Variants in SLC4A10 observed in about 807,000 individuals in gnomAD.
SLC4A10 encodes the protein solute carrier family 4 member 10.
SLC4A10 carries 42 observed loss-of-function variants against 137.7 expected under a neutral mutation model. The observed-to-expected ratio is 0.30, with a 90% CI of 0.24 to 0.39. The LOEUF (loss-of-function observed/expected upper bound fraction) is 0.39. SLC4A10 is among the 10% of genes least tolerant of loss of function. The pLI is 1.00. For missense variants in SLC4A10, 925 were observed against 1,355.0 expected (o/e 0.68, Z 4.98); for synonymous variants, 474 against 464.1 (o/e 1.02, Z -0.27).
intron 4 of SLC4A10, among the ~76,000 whole-genome samples, chr2:161,851,430 C>A (rs748491192): frequency 4.1e-4 from 62 of 152,202 alleles, no homozygotes; most frequent in Non-Finnish European, 5.9e-4. Flanking sequence ...ATAGTTAAGT[C>A]TTCTTGTTTA....
intron 1 of SLC4A10, among the ~76,000 whole-genome samples, chr2:161,708,437 A>G (rs1257058344): frequency 6.6e-6 from 1 of 151,598 alleles, no homozygotes; most frequent in African/African-American, 2.4e-5. Context: ...TTGGCAAATG[A>G]AGTCTTCATA....
intron 1 of SLC4A10, among the ~76,000 whole-genome samples, chr2:161,704,140 C>CT (rs775950522): frequency 2.3e-5 from 3 of 129,964 alleles, no homozygotes; most frequent in Non-Finnish European, 5.4e-5. Context: ...AAGATCATAT[C>CT]TAACTAACAA....
chr2:161,920,955 G>A (rs1406878284), intron 15 of SLC4A10, among the ~76,000 whole-genome samples: 3 of 152,170 alleles, frequency 2.0e-5, no homozygotes, highest in Non-Finnish European at 4.4e-5. Flanking sequence ...ACAGTGTCTG[G>A]AGATGTCCTT....
intron 1 of SLC4A10, among the ~76,000 whole-genome samples, chr2:161,666,871 G>C (rs1175795358): frequency 6.6e-6 from 1 of 151,612 alleles, no homozygotes; most frequent in Non-Finnish European, 1.5e-5. Flanking sequence ...CCATTTAATA[G>C]TAACACTTAC....
chr2:161,740,009 T>G (rs557501505), intron 1 of SLC4A10, among the ~76,000 whole-genome samples: 1 of 152,294 alleles, frequency 6.6e-6, no homozygotes, highest in South Asian at 2.1e-4. Flanking sequence ...CCTGAGTGTA[T>G]GACCAGGCCA....
intron 3 of SLC4A10, among the ~76,000 whole-genome samples, chr2:161,827,207 T>C (rs1395595387): frequency 6.6e-6 from 1 of 152,216 alleles, no homozygotes; most frequent in Non-Finnish European, 1.5e-5. Context: ...TCTCAAGACT[T>C]TCATTTTGAG....
At chr2:161,672,007 G>A (rs569908224) in intron 1 of SLC4A10, among the ~76,000 whole-genome samples, 22 of 152,244 alleles carry the variant, frequency 1.4e-4, no homozygotes, top group Admixed American at 1.4e-3. Context: ...TGCACTTAAG[G>A]TGAGCTTTGA....
At chr2:161,813,813 C>T (rs952157814) in intron 3 of SLC4A10, among the ~76,000 whole-genome samples, 11 of 152,110 alleles carry the variant, frequency 7.2e-5, no homozygotes, top group Non-Finnish European at 1.5e-4. Flanking sequence ...AGGCATTATG[C>T]CAGTTTTTCT....
At chr2:161,703,483 T>C (rs2043338193) in intron 1 of SLC4A10, among the ~76,000 whole-genome samples, 1 of 151,758 alleles carries the variant, frequency 6.6e-6, no homozygotes, top group South Asian at 2.1e-4. Flanking sequence ...GTTATCTCTG[T>C]ATAATGAAAT....
intron 3 of SLC4A10, among the ~76,000 whole-genome samples, chr2:161,816,881 G>C (rs1271217715): frequency 6.6e-6 from 1 of 152,044 alleles, no homozygotes; most frequent in Non-Finnish European, 1.5e-5. Flanking sequence ...GTCTATCATT[G>C]TTGGACATTT....
chr2:161,952,460 A>T (rs912814822), intron 19 of SLC4A10, among the ~76,000 whole-genome samples: 1 of 152,222 alleles, frequency 6.6e-6, no homozygotes, highest in Non-Finnish European at 1.5e-5. Flanking sequence ...ATAGAATTAA[A>T]TGCAGAACTA....
chr2:161,722,372 TC>T (rs1277244967), intron 1 of SLC4A10, among the ~76,000 whole-genome samples: 1 of 152,226 alleles, frequency 6.6e-6, no homozygotes, highest in Non-Finnish European at 1.5e-5. Flanking sequence ...TTTGTGGGGT[TC>T]TTTTCTGTTG....
At chr2:161,889,298 A>G (rs1412642096) in intron 10 of SLC4A10, among the ~76,000 whole-genome samples, 1 of 152,166 alleles carries the variant, frequency 6.6e-6, no homozygotes, top group Non-Finnish European at 1.5e-5. Context: ...TGGCCTCATG[A>G]AATGAGTTAG....
intron 23 of SLC4A10, among the ~76,000 whole-genome samples, chr2:161,966,679 T>C (rs1575898497): frequency 6.7e-6 from 1 of 150,360 alleles, no homozygotes. Context: ...AACCGGGAGG[T>C]GGACGTTGCA....
chr2:161,704,773 C>A (rs751912845), intron 1 of SLC4A10, among the ~76,000 whole-genome samples: 1 of 151,618 alleles, frequency 6.6e-6, no homozygotes, highest in African/African-American at 2.4e-5. Flanking sequence ...TGGCATTACA[C>A]TTTTGGTGTT....
At chr2:161,726,846 C>A (rs2046288008) in intron 1 of SLC4A10, among the ~76,000 whole-genome samples, 1 of 152,160 alleles carries the variant, frequency 6.6e-6, no homozygotes, top group African/African-American at 2.4e-5. Context: ...GAGGTGGGGG[C>A]TGCAGTGGGC....
intron 1 of SLC4A10, among the ~76,000 whole-genome samples, chr2:161,660,780 A>T (rs2038274478): frequency 6.7e-6 from 1 of 150,254 alleles, no homozygotes. Context: ...CAGCCTCCCA[A>T]GTGGCTGGGA....
chr2:161,907,238 T>C (rs1013296991), intron 15 of SLC4A10, among the ~76,000 whole-genome samples: 1 of 151,802 alleles, frequency 6.6e-6, no homozygotes, highest in Admixed American at 6.6e-5. Flanking sequence ...AAGCAAATAG[T>C]GAGAATATTG....
intron 5 of SLC4A10, among the ~76,000 whole-genome samples, chr2:161,858,919 A>G (rs550747221): frequency 6.6e-6 from 1 of 152,286 alleles, no homozygotes; most frequent in South Asian, 2.1e-4. Context: ...AGGAATAACC[A>G]TATATTTTTT....
Sources: allele counts gnomAD v4.1 joint callset (sites outside exome capture counted in the v4.1 genomes callset), GRCh38; gene constraint gnomAD v4.1.1; transcripts MANE v1.5; gene names NCBI Gene and HGNC (gene_info 2026-07-23, HGNC 2026-07-21).